Variants in SORCS2 observed in about 807,000 individuals in gnomAD.
The protein encoded by SORCS2 is sortilin related VPS10 domain containing receptor 2.
Under a neutral mutation model 141.6 loss-of-function variants are expected in SORCS2, and 100 were observed. The ratio of observed to expected loss-of-function variants is 0.71; its 90% CI spans 0.60 to 0.83. SORCS2 has a LOEUF of 0.83. Among genes scored for constraint, SORCS2 ranks in the 40% least tolerant of loss-of-function variants. The probability of loss-of-function intolerance (pLI) is 0.00; values close to 1 mark genes in which losing one functional copy is unlikely to be tolerated. For synonymous variants in SORCS2, 789 were observed against 676.9 expected, an observed-to-expected ratio of 1.17 and a Z score of -2.57; for missense variants, 1,646 against 1,560.2, an observed-to-expected ratio of 1.05 and a Z score of -0.93.
chr4:7,663,181 ATGAG>A lies in SORCS2; in HGVS notation c.953-1160_953-1157del, dbSNP rs987855493. ...GAGTGAGTGAATGAGTGATGAGTGAATGAGTGAGTGAGTGAAGAGTGAATGAGTG... is the reference window on the plus strand; with the variant it reads ...GAGTGAGTGAATGAGTGATGAGTGAATGAGTGAGTGAAGAGTGAATGAGTG... On this transcript the variant is annotated intron_variant, in intron 6 of 26. Coordinates refer to ENST00000507866, the MANE Select transcript of SORCS2 (RefSeq NM_020777.3). The surrounding 1 kb of genome is among the most constrained non-coding windows in gnomAD (Gnocchi z 4.8). Among the ~76,000 whole-genome samples the A allele has an allele frequency of 6.8e-4, 103 of 151,430 alleles. No homozygotes were observed. The highest frequency in any genetic ancestry group is 2.3e-3 in the South Asian group (11 of 4,748).
rs1232299506 is a variant in SORCS2, at chr4:7,543,428, C to CATCT, written c.648+11799_648+11800insATCT. Among the ~76,000 whole-genome samples, 42 of 151,112 alleles carry CATCT rather than the reference C, an allele frequency of 2.8e-4. 1 individual carries two copies. In the East Asian group the frequency reaches 7.1e-3, roughly 26 times the overall value. ...CCACCCATCCATCTATCCATCCATCCGTCCATCCATCCACTCATCCATCCA... is the reference window on the plus strand; with the variant it reads ...CCACCCATCCATCTATCCATCCATCCATCTGTCCATCCATCCACTCATCCATCCA... On this transcript the variant is annotated intron_variant, in intron 3 of 26. Transcript: ENST00000507866.
intron 4 of SORCS2, among the ~76,000 whole-genome samples, chr4:7,639,500 G>A (rs1468806255): frequency 1.3e-5 from 2 of 149,800 alleles, no homozygotes; most frequent in Non-Finnish European, 3.0e-5. Flanking sequence ...GTGTGGGGGT[G>A]GGTGTGAATG....
intron 11 of SORCS2, among the ~76,000 whole-genome samples, chr4:7,693,225 T>G (rs1009206545): frequency 3.3e-5 from 5 of 152,056 alleles, no homozygotes; most frequent in Admixed American, 3.3e-4. Flanking sequence ...TCATCCTTTC[T>G]TCCTTTCAAT....
chr4:7,226,665 C>G (rs74773833), intron 1 of SORCS2, among the ~76,000 whole-genome samples: 19,134 of 152,172 alleles, frequency 0.13, 1,535 homozygotes, highest in East Asian at 0.22. Flanking sequence ...CATAGGCCAC[C>G]TCCCTCAGAG....
chr4:7,595,631 C>G (rs1202746853), intron 3 of SORCS2, among the ~76,000 whole-genome samples: 1 of 151,784 alleles, frequency 6.6e-6, no homozygotes, highest in Non-Finnish European at 1.5e-5. Context: ...GTGCCAGGAA[C>G]CGGGACAGAG....
intron 1 of SORCS2, among the ~76,000 whole-genome samples, chr4:7,269,794 T>A (rs1714995279): frequency 6.6e-6 from 1 of 152,248 alleles, no homozygotes; most frequent in African/African-American, 2.4e-5. Flanking sequence ...AGAACTGTGA[T>A]GAAAATAAAT....
intron 1 of SORCS2, among the ~76,000 whole-genome samples, chr4:7,309,954 G>C (rs991987821): frequency 6.6e-6 from 1 of 152,250 alleles, no homozygotes; most frequent in Non-Finnish European, 1.5e-5. Context: ...GGCTCAGAAT[G>C]GGGGTTCAAG....
At chr4:7,503,254 C>T (rs1732078106) in intron 2 of SORCS2, among the ~76,000 whole-genome samples, 1 of 152,178 alleles carries the variant, frequency 6.6e-6, no homozygotes, top group African/African-American at 2.4e-5. Flanking sequence ...ATATGTCACC[C>T]ACACTCACGG....
intron 3 of SORCS2, among the ~76,000 whole-genome samples, chr4:7,540,495 T>TG (rs1294506830): frequency 3.3e-5 from 5 of 152,172 alleles, no homozygotes; most frequent in African/African-American, 4.8e-5. Flanking sequence ...TGCAGTAGCT[T>TG]GGGAAGTCCC....
At chr4:7,531,464 C>A in intron 2 of SORCS2, 66 bp from the exon 3 acceptor site, 1 of 1,474,036 alleles carries the variant, frequency 6.8e-7, no homozygotes, top group Non-Finnish European at 9.4e-7. Flanking sequence ...GGCTGGACAC[C>A]GTGTGGGCTG....
chr4:7,378,558 G>A (rs777430670), intron 1 of SORCS2, among the ~76,000 whole-genome samples: 2 of 152,132 alleles, frequency 1.3e-5, no homozygotes, highest in African/African-American at 4.8e-5. Context: ...CACCTATCAC[G>A]AGAATGGCAT....
chr4:7,498,555 G>A (rs1457294724), intron 2 of SORCS2, among the ~76,000 whole-genome samples: 1 of 152,228 alleles, frequency 6.6e-6, no homozygotes, highest in Non-Finnish European at 1.5e-5. Context: ...CAGAGAGCAC[G>A]CCCTGCCAAG....
chr4:7,632,390 C>T (rs922525290), intron 3 of SORCS2, among the ~76,000 whole-genome samples: 2 of 152,172 alleles, frequency 1.3e-5, no homozygotes, highest in African/African-American at 4.8e-5. Flanking sequence ...GAGGCTGCTG[C>T]CCAATTTGGA....
At chr4:7,688,959 A>C (rs917094505) in intron 10 of SORCS2, among the ~76,000 whole-genome samples, 1 of 152,314 alleles carries the variant, frequency 6.6e-6, no homozygotes, top group Admixed American at 6.5e-5. Flanking sequence ...GGGTGACCCC[A>C]GCTGTCCTCT....
At chr4:7,206,693 A>T (rs1727760848) in intron 1 of SORCS2, among the ~76,000 whole-genome samples, 1 of 152,130 alleles carries the variant, frequency 6.6e-6, no homozygotes, top group South Asian at 2.1e-4. Flanking sequence ...GGTCCTGGTG[A>T]CACCCACGCC....
At chr4:7,372,856 G>A (rs986515657) in intron 1 of SORCS2, among the ~76,000 whole-genome samples, 1 of 151,982 alleles carries the variant, frequency 6.6e-6, no homozygotes, top group African/African-American at 2.4e-5. Context: ...TTTCACTCCC[G>A]CAGTCCTGTT....
intron 22 of SORCS2, 140 bp from the exon 23 acceptor site, chr4:7,729,447 C>G: frequency 8.5e-7 from 1 of 1,169,894 alleles, no homozygotes; most frequent in Non-Finnish European, 1.2e-6. Flanking sequence ...GGAAGGATCC[C>G]CACGCCATGC....
In SORCS2 at chr4:7,339,398, C is replaced by T. The variant is rs565809579; in HGVS notation, c.481-56890C>T. Among the ~76,000 whole-genome samples, 10 of 152,360 alleles carry T rather than the reference C, an allele frequency of 6.6e-5. No homozygotes were observed. The South Asian group carries it at 8.3e-4, about 13-fold the overall frequency. On this transcript the variant is annotated intron_variant, in intron 1 of 26. Transcript: ENST00000507866. ...GCCACAGCTGCGTAACAAAGTACCA[C>T]GGGCAGTTCTGGAGGCCGGAAGCCT...
At chr4:7,221,753 T>C (rs1728718424) in intron 1 of SORCS2, among the ~76,000 whole-genome samples, 1 of 152,232 alleles carries the variant, frequency 6.6e-6, no homozygotes, top group Non-Finnish European at 1.5e-5. Context: ...CAGCTCATTC[T>C]GTAGGAGGCC....
Sources: allele counts gnomAD v4.1 joint callset (sites outside exome capture counted in the v4.1 genomes callset), GRCh38; gene constraint gnomAD v4.1.1; non-coding constraint Gnocchi (gnomAD v3.1); transcripts MANE v1.5; gene names NCBI Gene and HGNC (gene_info 2026-07-23, HGNC 2026-07-21).